Variants in DAAM1 observed in about 807,000 individuals in gnomAD.
DAAM1 encodes disheveled-associated activator of morphogenesis 1.
In DAAM1, 52 loss-of-function variants were observed where a neutral mutation model predicts 130.0. The observed-to-expected ratio is 0.40, with a 90% CI of 0.32 to 0.50. DAAM1 has a LOEUF of 0.50. Ranked by LOEUF, DAAM1 falls within the 20% of genes least tolerant of loss-of-function variation. The pLI, the probability that DAAM1 is intolerant of heterozygous loss-of-function variation, is 0.61. For synonymous variants in DAAM1, 452 were observed against 444.5 expected, an observed-to-expected ratio of 1.02 and a Z score of -0.21; for missense variants, 1,134 against 1,303.8, an observed-to-expected ratio of 0.87 and a Z score of 2.01.
chr14:59,362,059 TA>T (rs1159364499), intron 22 of DAAM1, among the ~76,000 whole-genome samples: 32 of 147,300 alleles, frequency 2.2e-4, no homozygotes, highest in African/African-American at 3.7e-4. Flanking sequence ...GGGGCAGTAT[TA>T]AAAAAAAAAT....
chr14:59,242,805 C>G (rs1313413808), intron 1 of DAAM1, among the ~76,000 whole-genome samples: 2 of 152,256 alleles, frequency 1.3e-5, no homozygotes, highest in Non-Finnish European at 2.9e-5. Flanking sequence ...TGATCTGCCT[C>G]GGCCTCCCAA....
intron 1 of DAAM1, among the ~76,000 whole-genome samples, chr14:59,212,540 C>T (rs186615840): frequency 1.3e-5 from 2 of 152,272 alleles, no homozygotes; most frequent in African/African-American, 2.4e-5. Context: ...GCTTGGAGTA[C>T]CAATACAGGA....
chr14:59,368,666 A>AAAGGGAAC lies in DAAM1; in HGVS notation c.3015_3022dup (p.Arg1008GlnfsTer6). 1 of 1,613,196 alleles carries AAAGGGAAC rather than the reference A, an allele frequency of 6.2e-7. No individual in the cohort carries two copies. Among genetic ancestry groups the AAAGGGAAC allele is most frequent in the Non-Finnish European group, 8.5e-7 (1 of 1,179,476 alleles). On this transcript the variant is annotated frameshift_variant, in exon 25 of 25. Transcript: ENST00000360909. LOFTEE classifies it high-confidence loss of function. ...TATTTGCAGCTCAAAGAACAACGTG[A>AAAGGGAAC]AAGGGAACGTAAAATGAGAAAAGCT...
chr14:59,341,266 G>A (rs1885833808), intron 16 of DAAM1, among the ~76,000 whole-genome samples: 1 of 152,270 alleles, frequency 6.6e-6, no homozygotes, highest in Non-Finnish European at 1.5e-5. Context: ...TGAAAGCTGT[G>A]TAAATGGCCG....
At chr14:59,327,684 G>C (rs1474597161) in intron 12 of DAAM1, among the ~76,000 whole-genome samples, 1 of 152,080 alleles carries the variant, frequency 6.6e-6, no homozygotes, top group Non-Finnish European at 1.5e-5. Flanking sequence ...TGGGATTGCA[G>C]GCGTGAGCCA....
intron 1 of DAAM1, among the ~76,000 whole-genome samples, chr14:59,244,499 G>A (rs555911724): frequency 8.3e-4 from 126 of 152,280 alleles, no homozygotes; most frequent in African/African-American, 2.8e-3. Flanking sequence ...CTCTGTGAGG[G>A]CAAAGCACAC....
At chr14:59,328,068 C>T (rs991568535) in intron 12 of DAAM1, among the ~76,000 whole-genome samples, 3 of 152,230 alleles carry the variant, frequency 2.0e-5, no homozygotes, top group African/African-American at 7.2e-5. Flanking sequence ...GTTATTCACT[C>T]ACAGCCAATG....
At chr14:59,245,027 CT>C (rs1423289185) in intron 1 of DAAM1, among the ~76,000 whole-genome samples, 1 of 152,014 alleles carries the variant, frequency 6.6e-6, no homozygotes, top group Non-Finnish European at 1.5e-5. Context: ...TGTAAGATAA[CT>C]GATGATCTCA....
rs58762540 is a variant in DAAM1, at chr14:59,288,832, G to GGAGAGAGAGAGAGAGAGAGAGA, written c.184-2377_184-2356dup. Among the ~76,000 whole-genome samples the GGAGAGAGAGAGAGAGAGAGAGA allele has an allele frequency of 4.5e-3, 644 of 143,880 alleles. 5 individuals carry two copies. Among genetic ancestry groups the GGAGAGAGAGAGAGAGAGAGAGA allele is most frequent in the African/African-American group, 0.016 (603 of 36,814 alleles). 94.4% of individuals were successfully genotyped at this position (143,880 alleles called of 152,430 possible). A position where few individuals can be genotyped will look rare whatever the true frequency, so the allele number is the denominator to read the frequency against. On this transcript the variant is annotated intron_variant, in intron 2 of 24. Transcript: ENST00000360909. ...GCAAGCACATTTTCCTGTGATAGCA[G>GGAGAGAGAGAGAGAGAGAGAGA]GAGAGAGAGAGAGAGAGAGAGAGAG...
intron 23 of DAAM1, among the ~76,000 whole-genome samples, chr14:59,365,808 G>A (rs2139692507): frequency 6.6e-6 from 1 of 152,212 alleles, no homozygotes; most frequent in Non-Finnish European, 1.5e-5. Flanking sequence ...ATTGGGCGTA[G>A]GGAAAAATGT....
At chr14:59,301,697 T>G (rs1324345910) in intron 3 of DAAM1, among the ~76,000 whole-genome samples, 6 of 152,176 alleles carry the variant, frequency 3.9e-5, no homozygotes, top group Admixed American at 3.9e-4. Flanking sequence ...CCAAAGCAAC[T>G]TTATCTCGAG....
chr14:59,190,098 C>T (rs1887685275), intron 1 of DAAM1, among the ~76,000 whole-genome samples: 2 of 152,106 alleles, frequency 1.3e-5, no homozygotes, highest in South Asian at 2.1e-4. Context: ...TGTGGCTCTG[C>T]GGGCAGCTGG....
At chr14:59,366,049 T>A (rs1283370991) in intron 23 of DAAM1, among the ~76,000 whole-genome samples, 1 of 151,138 alleles carries the variant, frequency 6.6e-6, no homozygotes, top group African/African-American at 2.5e-5. Context: ...TATATTTTTA[T>A]TTAACTTTAA....
rs1885501287 is a variant in DAAM1 at position 59,333,036 on chromosome 14, A to G, written c.1968+1116A>G. 2.6e-5 allele frequency among the ~76,000 whole-genome samples: 4 copies of G among 152,230 alleles called. No homozygotes were observed. In the South Asian group the frequency reaches 6.2e-4, roughly 24 times the overall value. On this transcript the variant is annotated intron_variant, in intron 15 of 24. Coordinates refer to ENST00000360909, the MANE Select transcript of DAAM1 (RefSeq NM_001270520.2). Reference sequence around the variant, plus strand: ...GAAAAGAAATACTGAGCACCAAAAGAGTAGATGGACTCAGGCTAGGGGGAG... The same window carrying G: ...GAAAAGAAATACTGAGCACCAAAAGGGTAGATGGACTCAGGCTAGGGGGAG...
intron 1 of DAAM1, among the ~76,000 whole-genome samples, chr14:59,243,779 A>G (rs1387377314): frequency 6.6e-6 from 1 of 152,124 alleles, no homozygotes; most frequent in Non-Finnish European, 1.5e-5. Context: ...TTGCCTGTTT[A>G]TTAATTATTT....
At chr14:59,348,741 CTGTT>C (rs375510997) in intron 17 of DAAM1, among the ~76,000 whole-genome samples, 232 of 152,212 alleles carry the variant, frequency 1.5e-3, no homozygotes, top group African/African-American at 5.3e-3. Context: ...GAGTGCCTGT[CTGTT>C]TGCACGTGTG....
chr14:59,235,376 G>C (rs1272862044), intron 1 of DAAM1, among the ~76,000 whole-genome samples: 1 of 152,104 alleles, frequency 6.6e-6, no homozygotes. Context: ...TCTTGGGAGG[G>C]TGTATGTGTC....
At chr14:59,306,424 T>C (rs912277286) in intron 3 of DAAM1, among the ~76,000 whole-genome samples, 1 of 152,244 alleles carries the variant, frequency 6.6e-6, no homozygotes, top group African/African-American at 2.4e-5. Flanking sequence ...TTCAGCATTG[T>C]AGATATGAGC....
At chr14:59,198,598 T>C (rs1007115783) in intron 1 of DAAM1, among the ~76,000 whole-genome samples, 5 of 152,192 alleles carry the variant, frequency 3.3e-5, no homozygotes, top group Non-Finnish European at 5.9e-5. Context: ...TTAACCTGCT[T>C]TTAATGCTTC....
Sources: allele counts gnomAD v4.1 joint callset (sites outside exome capture counted in the v4.1 genomes callset), GRCh38; gene constraint gnomAD v4.1.1; transcripts MANE v1.5; gene names NCBI Gene and HGNC (gene_info 2026-07-23, HGNC 2026-07-21).